TRIO: variants seen among roughly 807,000 people sequenced by gnomAD.
TRIO encodes triple functional domain protein.
In TRIO, 58 loss-of-function variants were observed where a neutral mutation model predicts 351.9. The ratio of observed to expected loss-of-function variants is 0.16; its 90% CI spans 0.13 to 0.21. The LOEUF is 0.21. TRIO is among the 10% of genes least tolerant of loss of function. TRIO has a pLI of 1.00. For synonymous variants in TRIO, 1,758 were observed against 1,595.7 expected (o/e 1.10, Z -2.42); for missense variants, 3,201 against 4,027.8 (o/e 0.79, Z 5.56).
chr5:14,458,669 C>A (rs1486352169), intron 34 of TRIO, among the ~76,000 whole-genome samples: 1 of 152,240 alleles, frequency 6.6e-6, no homozygotes. Flanking sequence ...ACCTGCTCCA[C>A]CTGCTGTGAG....
Position 14,497,522 on chromosome 5 carries a change from G to A in TRIO, c.8020-325G>A, listed in dbSNP as rs572311636. 1.3e-5 allele frequency among the ~76,000 whole-genome samples: 2 copies of A among 152,320 alleles called. No homozygotes were observed. Among genetic ancestry groups the A allele is most frequent in the East Asian group, 3.9e-4 (2 of 5,178 alleles). On this transcript the variant is annotated intron_variant, in intron 50 of 56. Coordinates refer to ENST00000344204, the MANE Select transcript of TRIO (RefSeq NM_007118.4). This position sits in a 1 kb window ranked among gnomAD's most constrained non-coding sequence, Gnocchi z 4.4. ...CCTGGAGAAAAAGAAGGTATCTCCTGAAAGGGACTCTGAGCGCCAGGGGCC... is the reference window on the plus strand; with the variant it reads ...CCTGGAGAAAAAGAAGGTATCTCCTAAAAGGGACTCTGAGCGCCAGGGGCC...
intron 8 of TRIO, among the ~76,000 whole-genome samples, chr5:14,308,744 T>TCCAA (rs1277141992): frequency 5.8e-5 from 7 of 120,944 alleles, no homozygotes; most frequent in Non-Finnish European, 9.7e-5. Context: ...CATCCATCCA[T>TCCAA]CCATCCATCC....
At chr5:14,470,782 T>G (rs1754624752) in intron 37 of TRIO, among the ~76,000 whole-genome samples, 1 of 152,194 alleles carries the variant, frequency 6.6e-6, no homozygotes, top group Non-Finnish European at 1.5e-5. Context: ...ACCAGAGTGA[T>G]TTGTATGCAT....
chr5:14,481,168 A>T, intron 43 of TRIO, 66 bp from the exon 44 acceptor site: 1 of 1,555,566 alleles, frequency 6.4e-7, no homozygotes, highest in Non-Finnish European at 8.7e-7. Context: ...TCTTAAAAAA[A>T]AAAATAAAAG....
chr5:14,230,600 A>G (rs995131443), intron 1 of TRIO, among the ~76,000 whole-genome samples: 6 of 152,186 alleles, frequency 3.9e-5, no homozygotes, highest in African/African-American at 1.4e-4. Flanking sequence ...GTGCTTCCTC[A>G]GAATTTCTGA....
At position 14,408,544 on chromosome 5, in the gene TRIO, C is replaced by A. The variant is rs1193926849; in HGVS notation, c.4959+1872C>A. ...TCTGATGCCTGATAGCATTTCTCTC[C>A]GAGACCCCACCTATGGCCATTGAGG... is the stretch of plus-strand genomic sequence containing the variant. On this transcript the variant is annotated intron_variant, in intron 33 of 56. Transcript: ENST00000344204. 2.0e-5 allele frequency among the ~76,000 whole-genome samples: 3 copies of A among 152,190 alleles called. No individual in the cohort carries two copies. The South Asian group carries it at 6.3e-4, about 32-fold the overall frequency.
chr5:14,307,746 G>A (rs770180778), intron 8 of TRIO, among the ~76,000 whole-genome samples: 1 of 152,188 alleles, frequency 6.6e-6, no homozygotes, highest in African/African-American at 2.4e-5. Flanking sequence ...ACTTCTCACA[G>A]CCATAGTTTC....
chr5:14,186,793 G>C (rs150549915), intron 1 of TRIO, among the ~76,000 whole-genome samples: 76 of 152,086 alleles, frequency 5.0e-4, no homozygotes, highest in African/African-American at 1.8e-3. Flanking sequence ...GGCCAGGCTG[G>C]TCTCGTACTC....
chr5:14,325,020 A>T (rs1434785788), intron 9 of TRIO, among the ~76,000 whole-genome samples: 1 of 152,190 alleles, frequency 6.6e-6, no homozygotes, highest in Non-Finnish European at 1.5e-5. Flanking sequence ...ATGGAACTGT[A>T]TTGCCCTCCC....
chr5:14,193,391 T>G (rs26130), intron 1 of TRIO, among the ~76,000 whole-genome samples: 14,691 of 152,256 alleles, frequency 0.096, 832 homozygotes, highest in African/African-American at 0.14. Context: ...GGAATTTAAT[T>G]TTATCTCCTT....
intron 45 of TRIO, 200 bp from the exon 46 acceptor site, chr5:14,482,382 A>G (rs538783926): frequency 7.5e-6 from 3 of 398,418 alleles, no homozygotes; most frequent in East Asian, 7.8e-5. Flanking sequence ...GTCTATACAA[A>G]TGTTGGCAAG....
intron 6 of TRIO, among the ~76,000 whole-genome samples, chr5:14,294,595 A>G (rs969405712): frequency 2.6e-5 from 4 of 152,200 alleles, no homozygotes; most frequent in African/African-American, 7.2e-5. Context: ...TATTAGTGGC[A>G]GATTTAGGAC....
At chr5:14,408,872 TAAAA>T (rs993960642) in intron 33 of TRIO, among the ~76,000 whole-genome samples, 1 of 147,192 alleles carries the variant, frequency 6.8e-6, no homozygotes, top group African/African-American at 2.5e-5. Flanking sequence ...ATTCTTTTTT[TAAAA>T]AAAAAAAAGT....
chr5:14,427,270 A>T (rs574858241), intron 34 of TRIO, among the ~76,000 whole-genome samples: 84 of 152,138 alleles, frequency 5.5e-4, no homozygotes, highest in African/African-American at 1.8e-3. Context: ...TGGCCCCACC[A>T]CCATCCTTCC....
intron 11 of TRIO, among the ~76,000 whole-genome samples, chr5:14,350,645 A>G (rs1742997013): frequency 6.6e-6 from 1 of 152,134 alleles, no homozygotes; most frequent in African/African-American, 2.4e-5. Flanking sequence ...TAACGTGCAT[A>G]GCTGCCCTGA....
At chr5:14,232,374 G>A (rs1469819105) in intron 1 of TRIO, among the ~76,000 whole-genome samples, 1 of 152,056 alleles carries the variant, frequency 6.6e-6, no homozygotes, top group African/African-American at 2.4e-5. Context: ...GGTCTTAGGT[G>A]TCACTGTTGC....
chr5:14,409,958 C>T (rs1237296125), intron 33 of TRIO, among the ~76,000 whole-genome samples: 1 of 152,090 alleles, frequency 6.6e-6, no homozygotes, highest in African/African-American at 2.4e-5. Context: ...CGCAGCAACA[C>T]TCACCCTGGT....
intron 7 of TRIO, among the ~76,000 whole-genome samples, chr5:14,300,552 C>G (rs905458905): frequency 6.6e-6 from 1 of 152,214 alleles, no homozygotes; most frequent in Non-Finnish European, 1.5e-5. Flanking sequence ...CTTAATTTAT[C>G]TATGACTTTA....
rs1178559896 is a variant in TRIO, at chr5:14,143,518, G to T, written c.-208G>T. 6.8e-6 allele frequency among the ~76,000 whole-genome samples: 1 copy of T among 147,608 alleles called. No individual in the cohort carries two copies. The highest frequency in any genetic ancestry group is 6.7e-5 in the Admixed American group (1 of 14,882). ...CGCCTCCGCCCCTCGGCCAGCTCGC[G>T]GCTACCGGGCGGAGTCCTCGTCTAT... is the stretch of plus-strand genomic sequence containing the variant. On this transcript the variant is annotated 5_prime_UTR_variant, in exon 1 of 57. Coordinates refer to ENST00000344204, the MANE Select transcript of TRIO (RefSeq NM_007118.4).
Sources: allele counts gnomAD v4.1 joint callset (sites outside exome capture counted in the v4.1 genomes callset), GRCh38; gene constraint gnomAD v4.1.1; non-coding constraint Gnocchi (gnomAD v3.1); transcripts MANE v1.5; gene names NCBI Gene and HGNC (gene_info 2026-07-23, HGNC 2026-07-21).